ROR2: variants seen among roughly 807,000 people sequenced by gnomAD.
ROR2 encodes the protein ROR family WNT receptor 2.
ROR2 carries 33 observed loss-of-function variants against 74.9 expected under a neutral mutation model. The ratio of observed to expected loss-of-function variants is 0.44; its 90% CI spans 0.33 to 0.59. The LOEUF is 0.59. Among genes scored for constraint, ROR2 ranks in the 20% least tolerant of loss-of-function variants. The pLI, the probability that ROR2 is intolerant of heterozygous loss-of-function variation, is 0.02. For synonymous variants in ROR2, 586 were observed against 558.7 expected, an observed-to-expected ratio of 1.05 and a Z score of -0.69; for missense variants, 1,216 against 1,313.8, an observed-to-expected ratio of 0.93 and a Z score of 1.15.
At chr9:91,753,458 A>G (rs1430825751) in intron 4 of ROR2, among the ~76,000 whole-genome samples, 1 of 152,258 alleles carries the variant, frequency 6.6e-6, no homozygotes, top group Admixed American at 6.5e-5. Flanking sequence ...TATGGAAGAT[A>G]AGGAGAAATG....
rs921305868 is a variant in ROR2, at chr9:91,900,220, G to T, written c.97+49647C>A. Among the ~76,000 whole-genome samples the T allele has an allele frequency of 9.6e-4, 146 of 152,306 alleles. 1 individual carries two copies. The highest frequency in any genetic ancestry group is 3.0e-3 in the African/African-American group (126 of 41,576). ...GGGTCCCCCAGGGCCGCCAGGGGGT[G>T]GGGGGCAGGGCCCCAGCAGCCTCGC... On this transcript the variant is annotated intron_variant, in intron 1 of 8. Coordinates refer to ENST00000375708, the MANE Select transcript of ROR2 (RefSeq NM_004560.4).
chr9:91,807,724 C>A (rs1563973437), intron 1 of ROR2, among the ~76,000 whole-genome samples: 2 of 152,114 alleles, frequency 1.3e-5, no homozygotes, highest in South Asian at 4.1e-4. Context: ...CAAAAATCTC[C>A]ACATTTGGTC....
intron 1 of ROR2, among the ~76,000 whole-genome samples, chr9:91,790,901 A>T (rs960926163): frequency 1.3e-5 from 2 of 152,246 alleles, no homozygotes; most frequent in Non-Finnish European, 2.9e-5. Flanking sequence ...AAAAACATAA[A>T]GAAGAAATAT....
intron 1 of ROR2, among the ~76,000 whole-genome samples, chr9:91,906,165 G>A (rs1051022839): frequency 3.2e-4 from 49 of 152,264 alleles, no homozygotes; most frequent in African/African-American, 1.1e-3. Context: ...GCCTGCAGAA[G>A]GAGGTGGCAG....
chr9:91,917,386 G>A (rs1160924755), intron 1 of ROR2, among the ~76,000 whole-genome samples: 2 of 152,168 alleles, frequency 1.3e-5, no homozygotes, highest in Non-Finnish European at 2.9e-5. Context: ...GGAGTTCATG[G>A]GGAAGTACGA....
chr9:91,929,850 A>G (rs1831505696), intron 1 of ROR2, among the ~76,000 whole-genome samples: 1 of 152,142 alleles, frequency 6.6e-6, no homozygotes, highest in Non-Finnish European at 1.5e-5. Flanking sequence ...AGGGGCGTGC[A>G]AGATCCTGAG....
intron 5 of ROR2, 56 bp downstream of exon 5, chr9:91,737,335 C>T (rs1657378011): frequency 1.2e-6 from 2 of 1,606,312 alleles, no homozygotes; most frequent in Non-Finnish European, 8.5e-7. Flanking sequence ...ACCATCTGTG[C>T]GACAGATGGC....
chr9:91,761,748 T>C (rs1825920862), intron 2 of ROR2, among the ~76,000 whole-genome samples: 1 of 152,144 alleles, frequency 6.6e-6, no homozygotes, highest in Admixed American at 6.5e-5. Context: ...AACATAGAAA[T>C]TGACCCTTCC....
chr9:91,926,543 CAAAA>C (rs34550588), intron 1 of ROR2, among the ~76,000 whole-genome samples: 6 of 101,136 alleles, frequency 5.9e-5, no homozygotes, highest in Admixed American at 1.2e-4. Context: ...GACTCCATCT[CAAAA>C]AAAAAAAAAA....
intron 1 of ROR2, among the ~76,000 whole-genome samples, chr9:91,933,376 G>GT (rs997577863): frequency 6.6e-6 from 1 of 150,698 alleles, no homozygotes; most frequent in African/African-American, 2.5e-5. Context: ...TACTCACAGA[G>GT]TTAAAAAAAA....
chr9:91,887,788 C>CTTTTTTTT (rs771557997), intron 1 of ROR2, among the ~76,000 whole-genome samples: 22 of 100,660 alleles, frequency 2.2e-4, no homozygotes, highest in African/African-American at 3.7e-4. Context: ...CTTTTTTTCT[C>CTTTTTTTT]TTTTTTTTTT....
intron 1 of ROR2, among the ~76,000 whole-genome samples, chr9:91,901,184 A>G (rs898913960): frequency 3.3e-5 from 5 of 152,286 alleles, no homozygotes; most frequent in Non-Finnish European, 7.3e-5. Flanking sequence ...ATAAATAGGT[A>G]TACTATGTTA....
chr9:91,731,873 C>T (rs1803376060), intron 6 of ROR2, among the ~76,000 whole-genome samples: 1 of 152,150 alleles, frequency 6.6e-6, no homozygotes, highest in Admixed American at 6.5e-5. Flanking sequence ...CAAGATTATG[C>T]CACTGCACTC....
At chr9:91,791,682 C>A (rs543181068) in intron 1 of ROR2, among the ~76,000 whole-genome samples, 35 of 152,182 alleles carry the variant, frequency 2.3e-4, no homozygotes, top group African/African-American at 8.2e-4. Context: ...AAGAACTAGA[C>A]AATATATCAG....
At chr9:91,814,121 G>A (rs765165180) in intron 1 of ROR2, among the ~76,000 whole-genome samples, 1 of 152,192 alleles carries the variant, frequency 6.6e-6, no homozygotes, top group Non-Finnish European at 1.5e-5. Context: ...CTGGGAGGTC[G>A]AGGTTGCAGT....
intron 1 of ROR2, among the ~76,000 whole-genome samples, chr9:91,810,043 A>G (rs1361230215): frequency 6.6e-6 from 1 of 152,228 alleles, no homozygotes; most frequent in Non-Finnish European, 1.5e-5. Flanking sequence ...CACGCCACAC[A>G]TGACCCCCAG....
intron 1 of ROR2, among the ~76,000 whole-genome samples, chr9:91,864,827 G>A (rs866250016): frequency 6.6e-6 from 1 of 152,132 alleles, no homozygotes; most frequent in Admixed American, 6.5e-5. Flanking sequence ...CATCTTGGTC[G>A]GTCCAACTGT....
intron 1 of ROR2, among the ~76,000 whole-genome samples, chr9:91,877,000 G>T (rs895631611): frequency 2.6e-5 from 4 of 152,002 alleles, no homozygotes; most frequent in African/African-American, 9.7e-5. Context: ...TGAACTCCAG[G>T]GTACACAGAA....
intron 1 of ROR2, among the ~76,000 whole-genome samples, chr9:91,807,474 A>G (rs7861514): frequency 0.13 from 19,032 of 152,146 alleles, 2,216 homozygotes; most frequent in East Asian, 0.31. Flanking sequence ...TGTTTTCCCC[A>G]AGTTCTGTGA....
Sources: gnomAD v4.1 joint callset for allele counts (sites outside exome capture counted in the v4.1 genomes callset) on GRCh38, gnomAD v4.1.1 for gene constraint, MANE v1.5 for transcripts, NCBI Gene and HGNC (gene_info 2026-07-23, HGNC 2026-07-21) for gene names.